DPP7: variants seen among roughly 807,000 people sequenced by gnomAD.
DPP7 encodes the protein dipeptidyl peptidase 7.
A neutral mutation model predicts 58.8 loss-of-function variants in DPP7; 74 were observed. The observed-to-expected ratio is 1.26, with a 90% CI of 1.04 to 1.53. The LOEUF (loss-of-function observed/expected upper bound fraction) is 1.53, where lower values mean the gene tolerates loss of function less well. Among genes scored for constraint, DPP7 ranks in the 40% most tolerant of loss-of-function variants. DPP7 has a pLI of 0.00. For missense variants in DPP7, 807 were observed against 692.3 expected (o/e 1.17, Z -1.86); for synonymous variants, 350 against 303.6 (o/e 1.15, Z -1.59).
upstream of DPP7, chr9:137,115,110 G>C (rs1424711929): frequency 5.8e-6 from 1 of 172,440 alleles, no homozygotes; most frequent in Non-Finnish European, 1.2e-5. Flanking sequence ...CCTAAGGGCG[G>C]GAGGGAGAGG....
intron 8 of DPP7, 93 bp from the exon 9 acceptor site, chr9:137,112,323 G>C: frequency 9.6e-7 from 1 of 1,045,480 alleles, no homozygotes; most frequent in Admixed American, 2.5e-5. Flanking sequence ...TGGTCCTGCA[G>C]GGGATCTGGG....
At chr9:137,113,548 C>T (rs1020640314) in intron 4 of DPP7, 52 bp from the exon 5 acceptor site, 13 of 1,507,548 alleles carry the variant, frequency 8.6e-6, no homozygotes, top group African/African-American at 1.4e-5. Context: ...CCCATTTCCT[C>T]TTTTCCTCCT....
chr9:137,110,839 C>G (rs747348502), intron 12 of DPP7, 41 bp downstream of exon 12: 17 of 1,602,600 alleles, frequency 1.1e-5, no homozygotes, highest in Non-Finnish European at 1.4e-5. Flanking sequence ...GAGCCTGTCC[C>G]GCCCGACCCG....
At position 137,113,418 on chromosome 9, in the gene DPP7, G is replaced by C. The variant is rs758554118; in HGVS notation, c.564C>G (p.Pro188=). The change falls in exon 5 of 13, where the codon CCC becomes CCG. Residue 188 remains proline (P), a synonymous_variant. Coordinates refer to ENST00000371579, the MANE Select transcript of DPP7 (RefSeq NM_013379.3). ...CGCCGAGGCCTGCCACAGCTAGAAC[G>C]GGCGCGCTGGCCGCCAGCGCCCCCG... ...LVAGALAASA[P]VLAVAGLGDS... The C allele has an allele frequency of 4.4e-6, 7 of 1,607,224 alleles. No homozygotes were observed. The highest frequency in any genetic ancestry group is 1.1e-5 in the South Asian group (1 of 90,888).
In DPP7 at chr9:137,113,983, G is replaced by T. The variant is rs752133249; in HGVS notation, c.367C>A (p.Arg123Ser). 2 of 1,579,740 alleles carry T rather than the reference G, an allele frequency of 1.3e-6. No individual in the cohort carries two copies. The highest frequency in any genetic ancestry group is 2.7e-5 in the African/African-American group (2 of 73,214). The change falls in exon 4 of 13, where the codon CGC becomes AGC. Residue 123 changes from arginine (R) to serine (S), a missense_variant. By Grantham distance (110) the Arg-to-Ser change is moderately radical. Coordinates refer to ENST00000371579, the MANE Select transcript of DPP7 (RefSeq NM_013379.3). ...ACCGTCAGCAGCTCCGTGTGCCCGC[G>T]CTGCGTGGACTGCGCACCGAACGGC... ...SLPFGAQSTQ[R>S]GHTELLTVEQ...
intron 8 of DPP7, 185 bp from the exon 9 acceptor site, chr9:137,112,415 CG>C (rs1831416549): frequency 3.2e-6 from 2 of 633,790 alleles, no homozygotes; most frequent in Non-Finnish European, 5.4e-6. Context: ...CTGCCAGCCC[CG>C]GGCCTGACTG....
At chr9:137,111,209 A>C (rs1349633391) in intron 11 of DPP7, among the ~76,000 whole-genome samples, 3 of 151,346 alleles carry the variant, frequency 2.0e-5, no homozygotes, top group Admixed American at 6.6e-5. Context: ...GGGTAGGGGC[A>C]GGTGAGGGGC....
In DPP7 at chr9:137,111,955, G is replaced by A. The variant is rs141564574; in HGVS notation, c.1125C>T (p.Asp375=). 2.0e-5 allele frequency: 33 copies of A among 1,613,350 alleles called. No individual in the cohort carries two copies. The African/African-American group carries it at 2.1e-4, about 10-fold the overall frequency. Residue 375 remains aspartate, a synonymous_variant, in exon 10 of 13, where the codon GAC becomes GAT. Coordinates refer to ENST00000371579, the MANE Select transcript of DPP7 (RefSeq NM_013379.3). ...CCAGGCAGTACCGCTGGCGGAGCTC[G>A]TCAGTGAAGGGCAGGTCCGGGAACA... is the stretch of plus-strand genomic sequence containing the variant. ...TDMFPDLPFT[D]ELRQRYCLDT...
At chr9:137,114,442 G>A (rs760763263) in intron 2 of DPP7, 21 bp downstream of exon 2, 33 of 1,555,992 alleles carry the variant, frequency 2.1e-5, no homozygotes, top group Admixed American at 1.3e-4. Context: ...GGGGGCGGCC[G>A]GGCCGGGGCC....
Position 137,114,340 on chromosome 9 carries a change from G to C in DPP7, c.224C>G (p.Thr75Ser). 1 of 1,606,630 alleles carries C rather than the reference G, an allele frequency of 6.2e-7. No individual in the cohort carries two copies. The highest frequency in any genetic ancestry group is 8.5e-7 in the Non-Finnish European group (1 of 1,177,424). ...GGCCCACACGTCGCCCTCGTTCCCA[G>C]TGTAGAAGAAGATGGGCCCCTCGCC... ...VRGEGPIFFY[T>S]GNEGDVWAFA... Residue 75 changes from threonine to serine, a missense_variant, in exon 3 of 13, where the codon ACT becomes AGT. Physicochemically the swap from Thr to Ser is moderately conservative, Grantham distance 58 (BLOSUM62 1). Coordinates refer to ENST00000371579, the MANE Select transcript of DPP7 (RefSeq NM_013379.3).
In DPP7 at chr9:137,114,413, C is replaced by CG. The variant is rs1169280121; in HGVS notation, c.182-32dup. On this transcript the variant is annotated intron_variant, in intron 2 of 12. Transcript: ENST00000371579. ...GGGAGGGCGGATGAGGCGAGGGTGC[C>CG]GGGGGGCGGCGGGACGGCGGGGGCG... The CG allele has an allele frequency of 7.7e-6, 12 of 1,562,270 alleles. 1 individual carries two copies. In the East Asian group the frequency reaches 9.6e-5, roughly 12 times the overall value.
chr9:137,113,338 G>A (rs1358536133), intron 5 of DPP7, 23 bp downstream of exon 5: 1 of 1,612,606 alleles, frequency 6.2e-7, no homozygotes, highest in Non-Finnish European at 8.5e-7. Flanking sequence ...TAGGGGGCCT[G>A]GAGGACCCCA....
upstream of DPP7, among the ~76,000 whole-genome samples, chr9:137,115,590 C>G (rs1428204465): frequency 6.6e-6 from 1 of 152,170 alleles, no homozygotes; most frequent in Non-Finnish European, 1.5e-5. Flanking sequence ...TCTCCCAAGA[C>G]TACCCTCGGC....
rs1480638737 is a variant in DPP7, at chr9:137,112,115, G to C, written c.1047C>G (p.Tyr349Ter). 2.5e-6 allele frequency: 4 copies of C among 1,611,778 alleles called. No homozygotes were observed. The highest frequency in any genetic ancestry group is 3.4e-6 in the Non-Finnish European group (4 of 1,179,578). ...GTGPDARAWD[Y>*]QACTEINLTF... ...CAGGCCACCCACACCCCCACACCTG[G>C]TAGTCCCAGGCCCTGGCGTCGGGGC... The change falls in exon 9 of 13, where the codon TAC (tyrosine) becomes TAG (stop). Residue 349 changes from tyrosine to a stop codon, truncating the protein, a stop_gained. Transcript: ENST00000371579. LOFTEE classifies it high-confidence loss of function.
chr9:137,111,047 G>A lies in DPP7; in HGVS notation c.1273-97C>T, dbSNP rs1418094414. On this transcript the variant is annotated intron_variant, in intron 11 of 12. Coordinates refer to ENST00000371579, the MANE Select transcript of DPP7 (RefSeq NM_013379.3). ...GAGGAGACGTGAGAGGGCGAGCCGAGACTCAGTGCCCATCAAGCAACCAGA... is the reference window on the plus strand; with the variant it reads ...GAGGAGACGTGAGAGGGCGAGCCGAAACTCAGTGCCCATCAAGCAACCAGA... 4 of 1,216,124 alleles carry A rather than the reference G, an allele frequency of 3.3e-6. No individual in the cohort carries two copies. The East Asian group carries it at 1.0e-4, about 30-fold the overall frequency. The allele number at this position is 1,216,124 out of a possible 1,614,324, so 75.3% of individuals were successfully genotyped here.
chr9:137,114,128 G>A (rs1475921960), intron 3 of DPP7, 100 bp from the exon 4 acceptor site: 1 of 117,294 alleles, frequency 8.5e-6, no homozygotes, highest in African/African-American at 4.2e-5. Flanking sequence ...CGCGTGCCCC[G>A]CGACCCCCGC....
At chr9:137,117,397 A>G (rs1831660462), upstream of DPP7, among the ~76,000 whole-genome samples, 1 of 152,226 alleles carries the variant, frequency 6.6e-6, no homozygotes, top group Non-Finnish European at 1.5e-5. Flanking sequence ...CTCTCTGCCC[A>G]TCCCCGGAGC....
In DPP7 at chr9:137,112,268, C is replaced by CA. The variant is rs774148074; in HGVS notation, c.932-39dup. 88 of 1,545,282 alleles carry CA rather than the reference C, an allele frequency of 5.7e-5. 1 individual carries two copies. The East Asian group carries it at 2.0e-3, about 36-fold the overall frequency. ...GGCGCTGGGGCCCAGCGGCCACACA[C>CA]AGACACACCGCGGGCTCCGGCCACC... On this transcript the variant is annotated intron_variant, in intron 8 of 12. Transcript: ENST00000371579.
chr9:137,113,247 C>T lies in DPP7; in HGVS notation c.662G>A (p.Arg221Gln), dbSNP rs367979568. 8.7e-6 allele frequency: 14 copies of T among 1,613,684 alleles called. No homozygotes were observed. In the East Asian group the frequency reaches 2.2e-4, roughly 26 times the overall value. Residue 221 changes from arginine to glutamine, a missense_variant, in exon 6 of 13, where the codon CGG becomes CAG. Coordinates refer to ENST00000371579, the MANE Select transcript of DPP7 (RefSeq NM_013379.3). ...GQSPKCTQGV[R>Q]EAFRQIKDLF... ...GTCCTTGATCTGTCGGAACGCTTCC[C>T]GCACACCCTGGGTGCATTTGGGACT...
Sources: gnomAD v4.1 joint callset for allele counts (sites outside exome capture counted in the v4.1 genomes callset) on GRCh38, gnomAD v4.1.1 for gene constraint, MANE v1.5 for transcripts, NCBI Gene and HGNC (gene_info 2026-07-23, HGNC 2026-07-21) for gene names.